Variants in RALGAPA2 observed in about 807,000 individuals in gnomAD.
RALGAPA2 encodes ral GTPase-activating protein subunit alpha-2.
Under a neutral mutation model 230.4 loss-of-function variants are expected in RALGAPA2, and 139 were observed. The ratio of observed to expected loss-of-function variants is 0.60; its 90% CI spans 0.53 to 0.69. The LOEUF (loss-of-function observed/expected upper bound fraction) is 0.69. Ranked by LOEUF, RALGAPA2 falls within the 30% of genes least tolerant of loss-of-function variation. RALGAPA2 has a pLI of 0.00. For missense variants in RALGAPA2, 2,163 were observed against 2,276.0 expected, an observed-to-expected ratio of 0.95 and a Z score of 1.01; for synonymous variants, 847 against 837.8, an observed-to-expected ratio of 1.01 and a Z score of -0.19.
intron 37 of RALGAPA2, among the ~76,000 whole-genome samples, chr20:20,436,885 A>T (rs1227154258): frequency 3.3e-5 from 5 of 152,136 alleles, no homozygotes; most frequent in Non-Finnish European, 5.9e-5. Context: ...AATCCCTGCC[A>T]CGGGCGGGCG....
At chr20:20,708,388 A>G (rs2069693923) in intron 1 of RALGAPA2, among the ~76,000 whole-genome samples, 1 of 152,166 alleles carries the variant, frequency 6.6e-6, no homozygotes, top group South Asian at 2.1e-4. Flanking sequence ...AATAATCCCC[A>G]TATGTCAAGG....
In RALGAPA2 at chr20:20,653,602, T is replaced by C; in HGVS notation, c.271-15A>G. 2 of 1,393,534 alleles carry C rather than the reference T, an allele frequency of 1.4e-6. No individual in the cohort carries two copies. Among genetic ancestry groups the C allele is most frequent in the South Asian group, 1.3e-5 (1 of 77,608 alleles). 86.3% of individuals were successfully genotyped at this position (1,393,534 alleles called of 1,614,324 possible). A position where few individuals can be genotyped will look rare whatever the true frequency, so the allele number is the denominator to read the frequency against. On this transcript the variant is annotated splice_polypyrimidine_tract_variant and intron_variant, in intron 3 of 39. Transcript: ENST00000202677. The stretch of plus-strand genomic sequence containing the variant: ...TGCAGTATTTTCTATTAAAAAAAGA[T>C]ATAAAGAAAATAAACAACAAATGAA...
At chr20:20,566,428 C>A (rs2064426798) in intron 23 of RALGAPA2, among the ~76,000 whole-genome samples, 1 of 152,006 alleles carries the variant, frequency 6.6e-6, no homozygotes, top group South Asian at 2.1e-4. Context: ...TTTCTCCACA[C>A]GTTGTAAAAT....
At chr20:20,445,532 C>G (rs554358433) in intron 37 of RALGAPA2, among the ~76,000 whole-genome samples, 1 of 152,282 alleles carries the variant, frequency 6.6e-6, no homozygotes, top group South Asian at 2.1e-4. Context: ...GAAATGGGTG[C>G]TTCTTCAAAT....
Position 20,583,116 on chromosome 20 carries a change from C to T in RALGAPA2, c.2641G>A (p.Val881Ile), listed in dbSNP as rs376634467. Residue 881 changes from valine to isoleucine, a missense_variant, in exon 20 of 40, where the codon GTT becomes ATT. Coordinates refer to ENST00000202677, the MANE Select transcript of RALGAPA2 (RefSeq NM_020343.4). ...EDPELNTPTDVVADADARHWL... is the reference protein window; with the variant it reads ...EDPELNTPTDIVADADARHWL... ...TGACGGGCATCAGCATCAGCCACAACATCTGTGGGAGTATTCAGTTCTGGG... is the reference window on the plus strand; with the variant it reads ...TGACGGGCATCAGCATCAGCCACAATATCTGTGGGAGTATTCAGTTCTGGG... The T allele has an allele frequency of 6.2e-7, 1 of 1,613,712 alleles. No individual in the cohort carries two copies. Among genetic ancestry groups the T allele is most frequent in the South Asian group, 1.1e-5 (1 of 91,088 alleles).
intron 1 of RALGAPA2, among the ~76,000 whole-genome samples, chr20:20,684,870 T>C (rs1016208965): frequency 3.9e-5 from 6 of 152,242 alleles, no homozygotes; most frequent in African/African-American, 1.4e-4. Flanking sequence ...ACACATTTGT[T>C]AAATGAATAA....
At chr20:20,442,196 T>G (rs1187535729) in intron 37 of RALGAPA2, among the ~76,000 whole-genome samples, 1 of 152,246 alleles carries the variant, frequency 6.6e-6, no homozygotes, top group East Asian at 1.9e-4. Flanking sequence ...GCTTCTTTCT[T>G]GCAAAATGGG....
At chr20:20,499,027 G>C (rs1043732177) in intron 35 of RALGAPA2, among the ~76,000 whole-genome samples, 5 of 152,340 alleles carry the variant, frequency 3.3e-5, no homozygotes, top group Non-Finnish European at 1.5e-5. Context: ...GTCCCCCCAT[G>C]ATGGGGGCAG....
chr20:20,644,877 A>G (rs2067155614), intron 4 of RALGAPA2, among the ~76,000 whole-genome samples: 1 of 152,098 alleles, frequency 6.6e-6, no homozygotes. Context: ...TTTAACATCT[A>G]CTTCATTACA....
intron 10 of RALGAPA2, among the ~76,000 whole-genome samples, chr20:20,626,802 G>A (rs898880948): frequency 6.6e-6 from 1 of 152,118 alleles, no homozygotes; most frequent in African/African-American, 2.4e-5. Context: ...TTTCTAGAAC[G>A]CAGCCATCCT....
At chr20:20,608,879 A>G (rs1014811135) in intron 14 of RALGAPA2, among the ~76,000 whole-genome samples, 1 of 152,236 alleles carries the variant, frequency 6.6e-6, no homozygotes, top group Non-Finnish European at 1.5e-5. Flanking sequence ...GACACTCAGA[A>G]AGCTAAAGTC....
chr20:20,501,837 T>C (rs771071778), intron 35 of RALGAPA2, among the ~76,000 whole-genome samples: 2 of 152,270 alleles, frequency 1.3e-5, no homozygotes, highest in Middle Eastern at 3.4e-3. Context: ...GGGTTATTAA[T>C]TGGCCTAATT....
intron 26 of RALGAPA2, among the ~76,000 whole-genome samples, chr20:20,533,462 C>T (rs536342872): frequency 1.1e-4 from 17 of 151,924 alleles, no homozygotes; most frequent in South Asian, 4.1e-4. Context: ...TAAACTTTTA[C>T]GCAACTAATC....
At chr20:20,669,073 C>T (rs1223932582) in intron 3 of RALGAPA2, among the ~76,000 whole-genome samples, 1 of 152,168 alleles carries the variant, frequency 6.6e-6, no homozygotes, top group East Asian at 1.9e-4. Context: ...TCTGTGATTT[C>T]AAATCCTGTG....
chr20:20,699,491 T>C (rs1036046682), intron 1 of RALGAPA2, among the ~76,000 whole-genome samples: 7 of 152,212 alleles, frequency 4.6e-5, no homozygotes, highest in African/African-American at 1.7e-4. Flanking sequence ...ACCAGGAATA[T>C]GACCAGACAG....
At chr20:20,439,611 G>A (rs551253346) in intron 37 of RALGAPA2, among the ~76,000 whole-genome samples, 2 of 152,186 alleles carry the variant, frequency 1.3e-5, no homozygotes, top group African/African-American at 2.4e-5. Flanking sequence ...TACCGATCCT[G>A]GGGGAGTGGG....
At chr20:20,668,752 T>C (rs969239355) in intron 3 of RALGAPA2, among the ~76,000 whole-genome samples, 6 of 152,106 alleles carry the variant, frequency 3.9e-5, no homozygotes, top group African/African-American at 1.2e-4. Context: ...ATGGGCCAGA[T>C]GGGGAGAAGA....
At chr20:20,401,579 T>G (rs572528257) in intron 38 of RALGAPA2, among the ~76,000 whole-genome samples, 5 of 152,336 alleles carry the variant, frequency 3.3e-5, no homozygotes, top group African/African-American at 1.2e-4. Flanking sequence ...TGTCCCAAGA[T>G]ACACTGGGAG....
intron 35 of RALGAPA2, 85 bp downstream of exon 35, chr20:20,503,266 G>T: frequency 1.6e-6 from 2 of 1,236,480 alleles, no homozygotes; most frequent in Non-Finnish European, 2.1e-6. Flanking sequence ...CTCAGTGTGC[G>T]TTCTACCCTT....
Sources: allele counts gnomAD v4.1 joint callset (sites outside exome capture counted in the v4.1 genomes callset), GRCh38; gene constraint gnomAD v4.1.1; transcripts MANE v1.5; gene names NCBI Gene and HGNC (gene_info 2026-07-23, HGNC 2026-07-21).